Variants in SLC4A4 observed in about 807,000 individuals in gnomAD.
The protein encoded by SLC4A4 is electrogenic sodium bicarbonate cotransporter 1.
SLC4A4 carries 27 observed loss-of-function variants against 111.5 expected under a neutral mutation model. The observed-to-expected ratio is 0.24, with a 90% CI of 0.18 to 0.33. SLC4A4 has a LOEUF of 0.33. SLC4A4 is among the 10% of genes least tolerant of loss of function. The pLI, the probability that SLC4A4 is intolerant of heterozygous loss-of-function variation, is 1.00. For synonymous variants in SLC4A4, 443 were observed against 463.4 expected (o/e 0.96, Z 0.57); for missense variants, 909 against 1,315.5 (o/e 0.69, Z 4.78).
At chr4:71,420,301 A>G (rs960740988) in intron 7 of SLC4A4, among the ~76,000 whole-genome samples, 1 of 152,204 alleles carries the variant, frequency 6.6e-6, no homozygotes, top group African/African-American at 2.4e-5. Context: ...GAATAAAAAG[A>G]AACGAACAAA....
chr4:71,130,136 A>G (rs1027374294), intron 2 of SLC4A4, among the ~76,000 whole-genome samples: 18 of 152,188 alleles, frequency 1.2e-4, no homozygotes, highest in Admixed American at 4.6e-4. Flanking sequence ...ACCTAAAATA[A>G]AAGTTAAAAA....
chr4:71,480,373 G>GA (rs35495269), intron 14 of SLC4A4, among the ~76,000 whole-genome samples: 81 of 133,798 alleles, frequency 6.1e-4, no homozygotes, highest in Middle Eastern at 3.8e-3. Context: ...AGGATAATAA[G>GA]AAAAAAAAAA....
rs1475213503 is a variant in SLC4A4 at position 71,571,114 on chromosome 4, T to C, written c.*3363T>C. 1.3e-5 allele frequency: 2 copies of C among 152,306 alleles called. No homozygotes were observed. Among genetic ancestry groups the C allele is most frequent in the Admixed American group, 6.6e-5 (1 of 15,194 alleles). The allele number at this position is 152,306 out of a possible 1,614,324, so 9.4% of individuals were successfully genotyped here. A position where few individuals can be genotyped will look rare whatever the true frequency, so the allele number is the denominator to read the frequency against. On this transcript the variant is annotated 3_prime_UTR_variant, in exon 26 of 26. Coordinates refer to ENST00000264485, the MANE Select transcript of SLC4A4 (RefSeq NM_001098484.3). ...ATACTGGTGTTTAATAGAGAATGAT[T>C]GTCTTCCGAGTTTTTTGGTTCCTTT...
At chr4:71,235,439 A>G (rs1719736073) in intron 1 of SLC4A4, among the ~76,000 whole-genome samples, 1 of 152,236 alleles carries the variant, frequency 6.6e-6, no homozygotes, top group Non-Finnish European at 1.5e-5. Context: ...TGAATAGAAT[A>G]CAGAATGAAC....
chr4:71,200,435 C>T (rs1347536655), intron 1 of SLC4A4, among the ~76,000 whole-genome samples: 1 of 152,114 alleles, frequency 6.6e-6, no homozygotes, highest in Non-Finnish European at 1.5e-5. Context: ...ATATAATTTT[C>T]GCTCTTGTTC....
chr4:71,171,831 A>G (rs534636605), intron 2 of SLC4A4, among the ~76,000 whole-genome samples: 2 of 152,344 alleles, frequency 1.3e-5, no homozygotes, highest in African/African-American at 4.8e-5. Context: ...TCTAAATGGA[A>G]TGTCTTTTAC....
At position 71,126,128 on chromosome 4, in the gene SLC4A4, T is replaced by C. The variant is rs533826207; in HGVS notation, c.-2+33336T>C. Among the ~76,000 whole-genome samples, 6 of 152,352 alleles carry C rather than the reference T, an allele frequency of 3.9e-5. No homozygotes were observed. The South Asian group carries it at 1.2e-3, about 32-fold the overall frequency. Reference sequence around the variant, plus strand: ...AAATAATTTGCTATTAGTACTGTTATATAGATTTCTTAAATTGTGAAATTT... The same window carrying C: ...AAATAATTTGCTATTAGTACTGTTACATAGATTTCTTAAATTGTGAAATTT... On this transcript the variant is annotated intron_variant, in intron 2 of 26. Transcript: ENST00000649996.
intron 2 of SLC4A4, among the ~76,000 whole-genome samples, chr4:71,125,350 G>A (rs1335768246): frequency 6.6e-6 from 1 of 152,196 alleles, no homozygotes; most frequent in Non-Finnish European, 1.5e-5. Context: ...ATAGGGGCAA[G>A]TCACTTGAGG....
At chr4:71,294,234 C>T (rs1462492737) in intron 3 of SLC4A4, among the ~76,000 whole-genome samples, 1 of 152,196 alleles carries the variant, frequency 6.6e-6, no homozygotes, top group African/African-American at 2.4e-5. Context: ...AGAAAGGTGT[C>T]TTCTGTGAAG....
At chr4:71,220,446 A>C (rs937585798) in intron 1 of SLC4A4, among the ~76,000 whole-genome samples, 30 of 152,178 alleles carry the variant, frequency 2.0e-4, no homozygotes, top group African/African-American at 6.7e-4. Context: ...CGAACCTGCA[A>C]CATCTCTGAC....
upstream of SLC4A4, among the ~76,000 whole-genome samples, chr4:71,185,774 A>AT (rs988782976): frequency 0.013 from 1,934 of 146,582 alleles, 22 homozygotes; most frequent in Middle Eastern, 0.068. Context: ...CCCTACCCTC[A>AT]TTTTTTTTTT....
chr4:71,077,251 C>G (rs1460968357), intron 1 of SLC4A4, among the ~76,000 whole-genome samples: 4 of 151,708 alleles, frequency 2.6e-5, no homozygotes, highest in Non-Finnish European at 5.9e-5. Context: ...ACCTCTGCCT[C>G]CTGGGTTCAA....
rs368397727 is a variant in SLC4A4, at chr4:71,120,970, G to A, written c.-2+28178G>A. On this transcript the variant is annotated intron_variant, in intron 2 of 26. Coordinates refer to the SLC4A4 transcript ENST00000649996. ...AACCAGGGCAGCACGCCGCCCTCGC[G>A]GGCCAGCACGAGTTCCGGGTGGGCA... Among the ~76,000 whole-genome samples the A allele has an allele frequency of 2.3e-4, 35 of 152,318 alleles. No homozygotes were observed. In the East Asian group the frequency reaches 6.4e-3, roughly 28 times the overall value.
intron 1 of SLC4A4, among the ~76,000 whole-genome samples, chr4:71,225,448 T>A (rs909539356): frequency 2.6e-5 from 4 of 152,170 alleles, no homozygotes; most frequent in Admixed American, 1.3e-4. Flanking sequence ...CTTTCCCTGT[T>A]ACTGAGTCAG....
At chr4:71,152,587 G>A (rs1047572273) in intron 2 of SLC4A4, among the ~76,000 whole-genome samples, 2 of 152,070 alleles carry the variant, frequency 1.3e-5, no homozygotes, top group Non-Finnish European at 2.9e-5. Context: ...GGGCATTTGG[G>A]TTCTCTGCAT....
At chr4:71,286,767 G>A (rs1723949851) in intron 3 of SLC4A4, among the ~76,000 whole-genome samples, 1 of 152,274 alleles carries the variant, frequency 6.6e-6, no homozygotes, top group Non-Finnish European at 1.5e-5. Flanking sequence ...AATGGTAGAA[G>A]TGTTACTCTA....
chr4:71,485,982 T>G (rs1381394434), intron 14 of SLC4A4, among the ~76,000 whole-genome samples: 4 of 151,512 alleles, frequency 2.6e-5, no homozygotes. Context: ...AAGGTTTATA[T>G]AGGCAGGACT....
In SLC4A4 at chr4:71,255,398, C is replaced by G; in HGVS notation, c.252C>G (p.Leu84=). Residue 84 remains leucine, a splice_region_variant and synonymous_variant, in exon 3 of 26, where the codon CTC becomes CTG. Transcript: ENST00000264485. The part of the protein sequence containing the change: ...DESSSSILKP[L]ISPAAERIRF... ...CCAGCAGCAGCATCCTAAAACCTCT[C>G]AGTGAGTACTCTCTGAGCGTTGGTG... 6.2e-7 allele frequency: 1 copy of G among 1,613,366 alleles called. No homozygotes were observed. Among genetic ancestry groups the G allele is most frequent in the Non-Finnish European group, 8.5e-7 (1 of 1,179,416 alleles).
At chr4:71,156,438 TCA>T (rs1744466043) in intron 2 of SLC4A4, among the ~76,000 whole-genome samples, 1 of 152,192 alleles carries the variant, frequency 6.6e-6, no homozygotes, top group South Asian at 2.1e-4. Flanking sequence ...TATTCTGCAC[TCA>T]CAAATTTTGC....
Sources: allele counts gnomAD v4.1 joint callset (sites outside exome capture counted in the v4.1 genomes callset), GRCh38; gene constraint gnomAD v4.1.1; transcripts MANE v1.5; gene names NCBI Gene and HGNC (gene_info 2026-07-23, HGNC 2026-07-21).